LARS2: variants seen among roughly 807,000 people sequenced by gnomAD.
LARS2 encodes leucine--tRNA ligase, mitochondrial.
LARS2 carries 81 observed loss-of-function variants against 116.6 expected under a neutral mutation model. The observed-to-expected ratio is 0.69, with a 90% CI of 0.58 to 0.84. LARS2 has a LOEUF of 0.84. Among genes scored for constraint, LARS2 ranks in the 40% least tolerant of loss-of-function variants. The pLI, the probability that LARS2 is intolerant of heterozygous loss-of-function variation, is 0.00. For synonymous variants in LARS2, 396 were observed against 407.2 expected (o/e 0.97, Z 0.33); for missense variants, 968 against 1,114.5 (o/e 0.87, Z 1.87).
chr3:45,443,345 C>T (rs1412072507), intron 6 of LARS2, among the ~76,000 whole-genome samples: 1 of 152,192 alleles, frequency 6.6e-6, no homozygotes, highest in Non-Finnish European at 1.5e-5. Context: ...TGAGATAAAG[C>T]ATTAGAAGAC....
Position 45,446,978 on chromosome 3 carries a change from G to C in LARS2, c.604G>C (p.Glu202Gln), listed in dbSNP as rs1274152343. The C allele has an allele frequency of 6.4e-7, 1 of 1,569,520 alleles. No individual in the cohort carries two copies. Among genetic ancestry groups the C allele is most frequent in the East Asian group, 2.2e-5 (1 of 44,532 alleles). Reference protein sequence around the residue: ...LYEAGLAYQKEALVNWDPVDQ... With the variant: ...LYEAGLAYQKQALVNWDPVDQ... Reference sequence around the variant, plus strand: ...TGAGGCTGGGCTGGCCTATCAAAAGGAGGTAAGTTAAAATTAGCTGGACTT... The same window carrying C: ...TGAGGCTGGGCTGGCCTATCAAAAGCAGGTAAGTTAAAATTAGCTGGACTT... The change falls in exon 7 of 22, where the codon GAG becomes CAG. Residue 202 changes from glutamate (E) to glutamine (Q), a missense_variant and splice_region_variant. Transcript: ENST00000645846.
At chr3:45,392,603 A>G (rs1242705245) in intron 2 of LARS2, among the ~76,000 whole-genome samples, 2 of 148,200 alleles carry the variant, frequency 1.3e-5, no homozygotes, top group African/African-American at 4.9e-5. Flanking sequence ...CCTAAGAGAG[A>G]TTTTTTTTTT....
At chr3:45,544,292 A>G (rs144072212) in intron 21 of LARS2, among the ~76,000 whole-genome samples, 287 of 152,338 alleles carry the variant, frequency 1.9e-3, no homozygotes, top group South Asian at 3.1e-3. Flanking sequence ...CACACAGTTT[A>G]TGTAAGGGCT....
intron 3 of LARS2, among the ~76,000 whole-genome samples, 165 bp from the exon 4 acceptor site, chr3:45,400,080 T>C (rs1698118020): frequency 1.3e-5 from 2 of 152,216 alleles, no homozygotes; most frequent in South Asian, 4.1e-4. Flanking sequence ...GGCTTTGAAT[T>C]TTGCTTTTTG....
chr3:45,417,124 GC>G (rs1362297361), intron 4 of LARS2, among the ~76,000 whole-genome samples: 4 of 148,766 alleles, frequency 2.7e-5, no homozygotes, highest in Non-Finnish European at 5.9e-5. Flanking sequence ...CATTTGGAAA[GC>G]CTATACATTA....
chr3:45,468,433 C>T (rs1219572109), intron 8 of LARS2, among the ~76,000 whole-genome samples: 1 of 152,188 alleles, frequency 6.6e-6, no homozygotes, highest in Non-Finnish European at 1.5e-5. Context: ...GGACAATTTT[C>T]AAGTTGTAGC....
At chr3:45,466,347 T>C (rs774787981) in intron 8 of LARS2, among the ~76,000 whole-genome samples, 3 of 152,144 alleles carry the variant, frequency 2.0e-5, no homozygotes, top group Non-Finnish European at 4.4e-5. Flanking sequence ...TTATTTGAAC[T>C]TCAAAGCTAG....
At chr3:45,440,867 C>T (rs1284110402) in intron 6 of LARS2, among the ~76,000 whole-genome samples, 4 of 151,996 alleles carry the variant, frequency 2.6e-5, no homozygotes, top group Non-Finnish European at 5.9e-5. Flanking sequence ...TCTTTTTAGT[C>T]GAAAAGCCAA....
chr3:45,499,846 CATTTT>C (rs1700088945), intron 14 of LARS2, among the ~76,000 whole-genome samples: 1 of 152,110 alleles, frequency 6.6e-6, no homozygotes, highest in Non-Finnish European at 1.5e-5. Context: ...CTTTTGTCCT[CATTTT>C]ATATGCAAAT....
chr3:45,487,806 C>T lies in LARS2; in HGVS notation c.1124-891C>T, dbSNP rs564078835. Among the ~76,000 whole-genome samples the T allele has an allele frequency of 4.6e-5, 7 of 152,218 alleles. 1 individual carries two copies. In the East Asian group the frequency reaches 9.7e-4, roughly 21 times the overall value. ...AAAAAAACCCATTCTTATGAATACCCGAAGCCAAAACAGCAGGCCTTGGCC... is the reference window on the plus strand; with the variant it reads ...AAAAAAACCCATTCTTATGAATACCTGAAGCCAAAACAGCAGGCCTTGGCC... On this transcript the variant is annotated intron_variant, in intron 11 of 21. Coordinates refer to ENST00000645846, the MANE Select transcript of LARS2 (RefSeq NM_015340.4).
intron 20 of LARS2, among the ~76,000 whole-genome samples, chr3:45,530,475 G>A (rs557052390): frequency 2.6e-5 from 4 of 152,074 alleles, no homozygotes; most frequent in South Asian, 2.1e-4. Flanking sequence ...AGCCAAGATC[G>A]CACCACTACG....
At chr3:45,516,578 C>T (rs559088414) in intron 17 of LARS2, among the ~76,000 whole-genome samples, 2 of 152,254 alleles carry the variant, frequency 1.3e-5, no homozygotes, top group African/African-American at 4.8e-5. Context: ...ACAAGCTCAG[C>T]GGTGATTCCA....
intron 8 of LARS2, among the ~76,000 whole-genome samples, chr3:45,460,918 A>C (rs1170303502): frequency 6.6e-6 from 1 of 152,190 alleles, no homozygotes; most frequent in East Asian, 1.9e-4. Context: ...TACAGAACAA[A>C]ACTCAACATC....
At chr3:45,474,202 C>G (rs1411634205) in intron 8 of LARS2, 41 bp from the exon 9 acceptor site, 4 of 1,301,988 alleles carry the variant, frequency 3.1e-6, no homozygotes, top group Non-Finnish European at 4.4e-6. Flanking sequence ...CTTAAATAAG[C>G]CTTGTGCCTC....
chr3:45,471,254 C>T (rs1699521642), intron 8 of LARS2, among the ~76,000 whole-genome samples: 3 of 152,094 alleles, frequency 2.0e-5, no homozygotes, highest in African/African-American at 7.2e-5. Context: ...AGAAAACAGT[C>T]ATGAATCATG....
chr3:45,520,132 C>CTTTTTTTTTTTTTTTTTTTTTTT, intron 18 of LARS2, 87 bp from the exon 19 acceptor site: 1 of 874,680 alleles, frequency 1.1e-6, no homozygotes. Context: ...ATTCATTTTC[C>CTTTTTTTTTTTTTTTTTTTTTTT]TTTTTTTTTG....
chr3:45,455,976 T>A (rs1009135498), intron 7 of LARS2, among the ~76,000 whole-genome samples: 1 of 151,994 alleles, frequency 6.6e-6, no homozygotes, highest in African/African-American at 2.4e-5. Context: ...AGTAGAATGA[T>A]GGTTACCAGA....
chr3:45,446,670 C>T lies in LARS2; in HGVS notation c.517-221C>T, dbSNP rs368452663. ...GCAAAAGACTTGAAGTTGAGTTTCTCATTGAACATGCTCTCAGAAAGGTGT... is the reference window on the plus strand; with the variant it reads ...GCAAAAGACTTGAAGTTGAGTTTCTTATTGAACATGCTCTCAGAAAGGTGT... On this transcript the variant is annotated intron_variant, in intron 6 of 21. Coordinates refer to ENST00000645846, the MANE Select transcript of LARS2 (RefSeq NM_015340.4). Among the ~76,000 whole-genome samples, 442 of 152,326 alleles carry T rather than the reference C, an allele frequency of 2.9e-3. 1 individual carries two copies. Among genetic ancestry groups the T allele is most frequent in the African/African-American group, 0.01 (423 of 41,572 alleles).
intron 10 of LARS2, 129 bp downstream of exon 10, chr3:45,476,756 TTA>T (rs1699618250): frequency 9.3e-6 from 8 of 861,006 alleles, no homozygotes; most frequent in Non-Finnish European, 1.4e-5. Flanking sequence ...GCCTGATTTT[TTA>T]TGTTTTTATT....
Sources: allele counts gnomAD v4.1 joint callset (sites outside exome capture counted in the v4.1 genomes callset), GRCh38; gene constraint gnomAD v4.1.1; transcripts MANE v1.5; gene names NCBI Gene and HGNC (gene_info 2026-07-23, HGNC 2026-07-21).